Variants in PFDN4 observed in about 807,000 individuals in gnomAD.
PFDN4 encodes the protein prefoldin 4.
A neutral mutation model predicts 17.6 loss-of-function variants in PFDN4; 6 were observed. The observed-to-expected ratio is 0.34, with a 90% CI of 0.19 to 0.67. The LOEUF (loss-of-function observed/expected upper bound fraction) is 0.67. Ranked by LOEUF, PFDN4 falls within the 30% of genes least tolerant of loss-of-function variation. The pLI is 0.68. For synonymous variants in PFDN4, 48 were observed against 51.1 expected (o/e 0.94, Z 0.26); for missense variants, 119 against 158.4 (o/e 0.75, Z 1.33).
intron 1 of PFDN4, 82 bp from the exon 2 acceptor site, chr20:54,214,269 T>C: frequency 2.8e-6 from 2 of 721,084 alleles, no homozygotes; most frequent in South Asian, 1.7e-5. Flanking sequence ...AAATGGCTTA[T>C]TGAGTTATTG....
chr20:54,208,328 G>A, intron 1 of PFDN4: 2 of 458,126 alleles, frequency 4.4e-6, no homozygotes, highest in Non-Finnish European at 7.5e-6. Context: ...GGCCAGCCGA[G>A]GCGGGGCGCC....
In PFDN4 at chr20:54,208,371, G is replaced by T. The variant is rs569966526; in HGVS notation, c.24+247G>T. 194 of 429,888 alleles carry T rather than the reference G, an allele frequency of 4.5e-4. 3 individuals are homozygous for T. The South Asian group carries it at 9.7e-3, about 22-fold the overall frequency. 26.6% of individuals were successfully genotyped at this position (429,888 alleles called of 1,614,324 possible). ...GGGCCGGGAGCCTCGAAGGACGCAG[G>T]TCCGCCTCCCGCGATGCCGAGGGTG... is the stretch of plus-strand genomic sequence containing the variant. On this transcript the variant is annotated intron_variant, in intron 1 of 3. Coordinates refer to ENST00000371419, the MANE Select transcript of PFDN4 (RefSeq NM_002623.4).
At chr20:54,208,998 C>T (rs773178875) in intron 1 of PFDN4, 9 of 152,102 alleles carry the variant, frequency 5.9e-5, no homozygotes, top group Non-Finnish European at 1.0e-4. Context: ...ATCCCGTGAG[C>T]CTTCCCAGAT....
At chr20:54,214,525 T>A in intron 2 of PFDN4, 67 bp downstream of exon 2, 1 of 688,610 alleles carries the variant, frequency 1.5e-6, no homozygotes, top group Non-Finnish European at 2.5e-6. Context: ...TGAACTCAGT[T>A]AACAAGTGAA....
intron 1 of PFDN4, among the ~76,000 whole-genome samples, chr20:54,213,667 A>G (rs978163684): frequency 6.6e-6 from 1 of 152,258 alleles, no homozygotes; most frequent in Non-Finnish European, 1.5e-5. Flanking sequence ...TTTGGCACAT[A>G]GTAAATTCAA....
rs2092767209 is a variant in PFDN4, at chr20:54,219,656, T to C, written c.*506T>C. 2.5e-6 allele frequency: 1 copy of C among 397,430 alleles called. No homozygotes were observed. Among genetic ancestry groups the C allele is most frequent in the South Asian group, 1.3e-4 (1 of 7,852 alleles). The allele number at this position is 397,430 out of a possible 1,614,324, so 24.6% of individuals were successfully genotyped here. The stretch of plus-strand genomic sequence containing the variant: ...GTTACATATTATATTTAAACATACA[T>C]ATTTAACATTTTTTACATATCTATC... On this transcript the variant is annotated 3_prime_UTR_variant, in exon 4 of 4. Coordinates refer to ENST00000371419, the MANE Select transcript of PFDN4 (RefSeq NM_002623.4).
chr20:54,217,107 GA>G (rs1386114869), intron 3 of PFDN4, among the ~76,000 whole-genome samples: 1 of 151,672 alleles, frequency 6.6e-6, no homozygotes, highest in African/African-American at 2.4e-5. Flanking sequence ...TAGATGGAAA[GA>G]AAAAAAAGTA....
chr20:54,219,282 G>A lies in PFDN4; in HGVS notation c.*132G>A, dbSNP rs1715733289. ...ATTTTCATTTATTTAATGGAAACTT[G>A]CCCATTTTCACATGTCTGCTTATTT... On this transcript the variant is annotated 3_prime_UTR_variant, in exon 4 of 4. Coordinates refer to ENST00000371419, the MANE Select transcript of PFDN4 (RefSeq NM_002623.4). 1 of 563,894 alleles carries A rather than the reference G, an allele frequency of 1.8e-6. No individual in the cohort carries two copies. Among genetic ancestry groups the A allele is most frequent in the Admixed American group, 3.9e-5 (1 of 25,850 alleles). The allele number at this position is 563,894 out of a possible 1,614,324, so 34.9% of individuals were successfully genotyped here.
At position 54,219,846 on chromosome 20, in the gene PFDN4, AGT is replaced by A. The variant is rs1403887904; in HGVS notation, c.*698_*699del. On this transcript the variant is annotated 3_prime_UTR_variant, in exon 4 of 4. Transcript: ENST00000371419. Reference sequence around the variant, plus strand: ...CGTTTTAAATTTTAGATTTTATTTTAGTGCTTTGTAATTAATTGGGGTTTATA... The same window carrying A: ...CGTTTTAAATTTTAGATTTTATTTTAGCTTTGTAATTAATTGGGGTTTATA... 1 of 397,222 alleles carries A rather than the reference AGT, an allele frequency of 2.5e-6. No homozygotes were observed. Among genetic ancestry groups the A allele is most frequent in the African/African-American group, 2.1e-5 (1 of 48,596 alleles). The allele number at this position is 397,222 out of a possible 1,614,324, so 24.6% of individuals were successfully genotyped here.
chr20:54,216,214 T>C (rs563836566), intron 3 of PFDN4, among the ~76,000 whole-genome samples: 17 of 152,356 alleles, frequency 1.1e-4, no homozygotes, highest in African/African-American at 4.1e-4. Flanking sequence ...TCTGAGACAT[T>C]TGATACATGG....
At chr20:54,217,292 G>A (rs1317965588) in intron 3 of PFDN4, among the ~76,000 whole-genome samples, 2 of 151,970 alleles carry the variant, frequency 1.3e-5, no homozygotes, top group South Asian at 2.1e-4. Context: ...GCGGCGGGGG[G>A]CGGGGGGTTC....
chr20:54,217,486 T>C (rs2092764167), intron 3 of PFDN4, among the ~76,000 whole-genome samples: 1 of 152,160 alleles, frequency 6.6e-6, no homozygotes, highest in African/African-American at 2.4e-5. Context: ...AAACTTTCTG[T>C]GAAGGGCCAG....
chr20:54,209,689 G>A (rs1169133486), intron 1 of PFDN4, among the ~76,000 whole-genome samples: 4 of 152,220 alleles, frequency 2.6e-5, no homozygotes, highest in Non-Finnish European at 5.9e-5. Context: ...GAGAGGTGAA[G>A]TAAATGGTAG....
chr20:54,209,076 T>TG (rs897788719), intron 1 of PFDN4, among the ~76,000 whole-genome samples: 1 of 152,144 alleles, frequency 6.6e-6, no homozygotes, highest in Admixed American at 6.5e-5. Context: ...GCTGATAATT[T>TG]GGGGAGCTTT....
intron 1 of PFDN4, among the ~76,000 whole-genome samples, chr20:54,212,380 T>C (rs1353383639): frequency 1.3e-5 from 2 of 152,208 alleles, no homozygotes; most frequent in Admixed American, 1.3e-4. Context: ...ACATCAACTT[T>C]AGCCCTTAAC....
intron 1 of PFDN4, among the ~76,000 whole-genome samples, chr20:54,212,965 G>T (rs1322390549): frequency 1.3e-5 from 2 of 152,226 alleles, no homozygotes; most frequent in Admixed American, 1.3e-4. Flanking sequence ...TTGAGGTGGG[G>T]CATAATGCAT....
At chr20:54,216,517 G>A (rs2092762663) in intron 3 of PFDN4, among the ~76,000 whole-genome samples, 1 of 151,978 alleles carries the variant, frequency 6.6e-6, no homozygotes, top group Admixed American at 6.6e-5. Flanking sequence ...TGTGATTTTT[G>A]TTCTTTTTAT....
chr20:54,214,473 T>A lies in PFDN4; in HGVS notation c.132+15T>A. Reference sequence around the variant, plus strand: ...AAGTAAAAAAGGTATTGAAAATAATTATTAGAAGAATAAAATTTTTTTATA... The same window carrying A: ...AAGTAAAAAAGGTATTGAAAATAATAATTAGAAGAATAAAATTTTTTTATA... On this transcript the variant is annotated intron_variant, in intron 2 of 3. Transcript: ENST00000371419. 2 of 1,259,958 alleles carry A rather than the reference T, an allele frequency of 1.6e-6. No individual in the cohort carries two copies. Among genetic ancestry groups the A allele is most frequent in the Non-Finnish European group, 2.2e-6 (2 of 894,010 alleles). 78.0% of individuals were successfully genotyped at this position (1,259,958 alleles called of 1,614,324 possible).
At chr20:54,208,212 G>T in intron 1 of PFDN4, 88 bp downstream of exon 1, 3 of 1,242,478 alleles carry the variant, frequency 2.4e-6, no homozygotes, top group Admixed American at 3.1e-5. Flanking sequence ...GGGGTGCGCA[G>T]CTCCGAAGCC....
Sources: gnomAD v4.1 joint callset for allele counts (sites outside exome capture counted in the v4.1 genomes callset) on GRCh38, gnomAD v4.1.1 for gene constraint, MANE v1.5 for transcripts, NCBI Gene and HGNC (gene_info 2026-07-23, HGNC 2026-07-21) for gene names.